The following OSBPL11 variants were observed in gnomAD, a reference collection of about 807,000 sequenced individuals.
The protein encoded by OSBPL11 is oxysterol-binding protein-related protein 11.
In OSBPL11, 33 loss-of-function variants were observed where a neutral mutation model predicts 84.4. That is an observed-to-expected ratio of 0.39 (90% CI 0.30 to 0.52). The LOEUF is 0.52. Among genes scored for constraint, OSBPL11 ranks in the 20% least tolerant of loss-of-function variants. OSBPL11 has a pLI of 0.72. For missense variants in OSBPL11, 736 were observed against 901.1 expected (o/e 0.82, Z 2.35); for synonymous variants, 276 against 310.2 (o/e 0.89, Z 1.16).
chr3:125,536,668 T>C (rs1019261838), intron 11 of OSBPL11, among the ~76,000 whole-genome samples: 2 of 152,162 alleles, frequency 1.3e-5, no homozygotes, highest in Non-Finnish European at 2.9e-5. Flanking sequence ...CTACCTAACA[T>C]TGAAATTAGA....
chr3:125,570,627 A>G (rs1160140367), intron 5 of OSBPL11, among the ~76,000 whole-genome samples: 3 of 152,202 alleles, frequency 2.0e-5, no homozygotes. Flanking sequence ...GGTCTTTCCC[A>G]TGCTGTTCTC....
At chr3:125,593,207 C>T (rs1936626643) in intron 1 of OSBPL11, among the ~76,000 whole-genome samples, 3 of 152,088 alleles carry the variant, frequency 2.0e-5, no homozygotes, top group Admixed American at 2.0e-4. Flanking sequence ...GACAGGGGAC[C>T]CGCGGCCCCT....
Position 125,530,442 on chromosome 3 carries a change from A to G in OSBPL11, c.*73T>C. On this transcript the variant is annotated 3_prime_UTR_variant, in exon 13 of 13. Transcript: ENST00000296220. ...AATCAGGAAGCAGGTCACTCAGTGC[A>G]ATGACTCCATTCTGGGAGGATTTAG... is the stretch of plus-strand genomic sequence containing the variant. 2.2e-6 allele frequency: 3 copies of G among 1,366,834 alleles called. No homozygotes were observed. The highest frequency in any genetic ancestry group is 3.1e-6 in the Non-Finnish European group (3 of 957,504). 84.7% of individuals were successfully genotyped at this position (1,366,834 alleles called of 1,614,324 possible).
intron 7 of OSBPL11, among the ~76,000 whole-genome samples, chr3:125,561,624 A>G (rs553088137): frequency 6.6e-6 from 1 of 152,344 alleles, no homozygotes; most frequent in East Asian, 1.9e-4. Flanking sequence ...TCTTAAACAT[A>G]GTACATTCTT....
At chr3:125,564,257 G>C (rs1003885717) in intron 6 of OSBPL11, among the ~76,000 whole-genome samples, 8 of 152,146 alleles carry the variant, frequency 5.3e-5, no homozygotes, top group Non-Finnish European at 1.2e-4. Flanking sequence ...TTTCAATTTG[G>C]GATCGAGTCT....
chr3:125,531,596 CT>C (rs1161793703), intron 12 of OSBPL11, among the ~76,000 whole-genome samples: 1 of 152,034 alleles, frequency 6.6e-6, no homozygotes, highest in Non-Finnish European at 1.5e-5. Flanking sequence ...CGGCCACCCC[CT>C]AGCTCATTTT....
intron 8 of OSBPL11, among the ~76,000 whole-genome samples, chr3:125,554,935 T>C (rs1277605905): frequency 6.6e-6 from 1 of 151,956 alleles, no homozygotes; most frequent in Admixed American, 6.6e-5. Flanking sequence ...AGAAAAATCA[T>C]TGTGATGGTT....
rs1366694640 is a variant in OSBPL11 at position 125,529,596 on chromosome 3, C to T, written c.*919G>A. ...AGCATACTTATCCAAAGGGATAACA[C>T]ATAATACTGGATATTAACCTAAAGG... is the stretch of plus-strand genomic sequence containing the variant. On this transcript the variant is annotated 3_prime_UTR_variant, in exon 13 of 13. Coordinates refer to ENST00000296220, the MANE Select transcript of OSBPL11 (RefSeq NM_022776.5). The T allele has an allele frequency of 6.6e-6, 1 of 152,400 alleles. No homozygotes were observed. Among genetic ancestry groups the T allele is most frequent in the Non-Finnish European group, 1.5e-5 (1 of 67,988 alleles). The allele number at this position is 152,400 out of a possible 1,614,324, so 9.4% of individuals were successfully genotyped here.
At chr3:125,589,986 A>C (rs1013697754) in intron 1 of OSBPL11, among the ~76,000 whole-genome samples, 1 of 152,238 alleles carries the variant, frequency 6.6e-6, no homozygotes, top group African/African-American at 2.4e-5. Context: ...CCTCTTTTGA[A>C]TAGTTCTCTT....
At chr3:125,556,990 T>G (rs1328193130) in intron 8 of OSBPL11, among the ~76,000 whole-genome samples, 1 of 152,188 alleles carries the variant, frequency 6.6e-6, no homozygotes, top group Non-Finnish European at 1.5e-5. Context: ...TTCTGTGTGT[T>G]TAACACATTT....
chr3:125,566,642 A>T (rs1436141411), intron 6 of OSBPL11, among the ~76,000 whole-genome samples: 1 of 152,188 alleles, frequency 6.6e-6, no homozygotes, highest in African/African-American at 2.4e-5. Flanking sequence ...AGCATTATTA[A>T]GTTATTGCTC....
chr3:125,591,818 A>G (rs964838549), intron 1 of OSBPL11, among the ~76,000 whole-genome samples: 14 of 152,200 alleles, frequency 9.2e-5, no homozygotes, highest in Non-Finnish European at 2.9e-5. Context: ...CCTGGGCAAC[A>G]TCGCAAGATC....
intron 6 of OSBPL11, among the ~76,000 whole-genome samples, chr3:125,566,069 G>A (rs576379663): frequency 6.6e-6 from 1 of 152,086 alleles, no homozygotes; most frequent in African/African-American, 2.4e-5. Context: ...GCAGTGGCAC[G>A]ATCTGGGCTC....
intron 2 of OSBPL11, among the ~76,000 whole-genome samples, chr3:125,581,695 CAAAAAAAAAAAA>C (rs1189619626): frequency 3.1e-5 from 2 of 63,810 alleles, no homozygotes; most frequent in African/African-American, 5.4e-5. Flanking sequence ...GACTCCATCT[CAAAAAAAAAAAA>C]AAAAAAAAAA....
At chr3:125,571,915 G>A (rs561897746) in intron 5 of OSBPL11, among the ~76,000 whole-genome samples, 1 of 152,370 alleles carries the variant, frequency 6.6e-6, no homozygotes, top group African/African-American at 2.4e-5. Flanking sequence ...GCTGTGAGAA[G>A]AGGGCCGCTG....
At chr3:125,550,145 G>A (rs1011742463) in intron 9 of OSBPL11, among the ~76,000 whole-genome samples, 6 of 152,134 alleles carry the variant, frequency 3.9e-5, no homozygotes, top group Admixed American at 2.6e-4. Flanking sequence ...AAGCTGGGGT[G>A]GGTGGATCAC....
intron 2 of OSBPL11, among the ~76,000 whole-genome samples, chr3:125,580,334 G>A (rs947842530): frequency 2.0e-5 from 3 of 151,974 alleles, no homozygotes; most frequent in Non-Finnish European, 4.4e-5. Flanking sequence ...GGCCAACATG[G>A]TGAAACCCCA....
chr3:125,573,770 G>A (rs1936276266), intron 5 of OSBPL11, among the ~76,000 whole-genome samples: 1 of 151,470 alleles, frequency 6.6e-6, no homozygotes, highest in Admixed American at 6.6e-5. Context: ...CATGTGGGAG[G>A]GTGAGGCAGG....
intron 11 of OSBPL11, among the ~76,000 whole-genome samples, chr3:125,535,071 G>C (rs1269064907): frequency 6.7e-6 from 1 of 150,162 alleles, no homozygotes; most frequent in Non-Finnish European, 1.5e-5. Context: ...AATCAGTGAA[G>C]CCAAAATCTG....
Sources: allele counts gnomAD v4.1 joint callset (sites outside exome capture counted in the v4.1 genomes callset), GRCh38; gene constraint gnomAD v4.1.1; transcripts MANE v1.5; gene names NCBI Gene and HGNC (gene_info 2026-07-23, HGNC 2026-07-21).